UNC5A: variants seen among roughly 807,000 people sequenced by gnomAD.
UNC5A encodes unc-5 netrin receptor A, also known as netrin receptor UNC5A.
UNC5A carries 20 observed loss-of-function variants against 87.4 expected under a neutral mutation model. That is an observed-to-expected ratio of 0.23 (90% CI 0.16 to 0.33). The LOEUF is 0.33. Ranked by LOEUF, UNC5A falls within the 10% of genes least tolerant of loss-of-function variation. The probability of loss-of-function intolerance (pLI) is 1.00; values close to 1 mark genes in which losing one functional copy is unlikely to be tolerated. For missense variants in UNC5A, 844 were observed against 1,133.4 expected (o/e 0.74, Z 3.67); for synonymous variants, 438 against 482.3 (o/e 0.91, Z 1.20).
rs539305512 is a variant in UNC5A at position 176,880,765 on chromosome 5, C to T, written c.*879C>T. 15 of 246,502 alleles carry T rather than the reference C, an allele frequency of 6.1e-5. No individual in the cohort carries two copies. Among genetic ancestry groups the T allele is most frequent in the African/African-American group, 3.4e-4 (15 of 44,152 alleles). The allele number at this position is 246,502 out of a possible 1,614,324, so 15.3% of individuals were successfully genotyped here. A position where few individuals can be genotyped will look rare whatever the true frequency, so the allele number is the denominator to read the frequency against. On this transcript the variant is annotated 3_prime_UTR_variant, in exon 15 of 15. Coordinates refer to ENST00000329542, the MANE Select transcript of UNC5A (RefSeq NM_133369.3). ...CACGCGGGGCCTGTCATGTGAAGCT[C>T]GTGTCCTGACTTTGTCTTAAGTGCA...
chr5:176,859,133 G>GT (rs1561659374), intron 1 of UNC5A, among the ~76,000 whole-genome samples: 1 of 119,270 alleles, frequency 8.4e-6, no homozygotes, highest in African/African-American at 3.5e-5. Context: ...CTGCTAGAAT[G>GT]CCCTTGCTAG....
intron 1 of UNC5A, among the ~76,000 whole-genome samples, chr5:176,819,909 T>A (rs1410235056): frequency 1.3e-5 from 2 of 152,248 alleles, no homozygotes; most frequent in African/African-American, 4.8e-5. Flanking sequence ...AGGCACAGCC[T>A]GTGGCTCAGA....
Position 176,829,264 on chromosome 5 carries a change from G to T in UNC5A, c.70+18444G>T, listed in dbSNP as rs1756934485. On this transcript the variant is annotated intron_variant, in intron 1 of 14. Transcript: ENST00000329542. The stretch of plus-strand genomic sequence containing the variant: ...GGATGGATGGATGGGTGGATGGATG[G>T]GTGGCTGGATGGATGGATGGATAAA... Among the ~76,000 whole-genome samples, 8 of 57,682 alleles carry T rather than the reference G, an allele frequency of 1.4e-4. 1 individual carries two copies. In the South Asian group the frequency reaches 8.9e-3, roughly 64 times the overall value. The allele number at this position is 57,682 out of a possible 152,430, so 37.8% of individuals were successfully genotyped here.
At chr5:176,851,393 G>A (rs1757537560) in intron 1 of UNC5A, among the ~76,000 whole-genome samples, 1 of 152,218 alleles carries the variant, frequency 6.6e-6, no homozygotes, top group South Asian at 2.1e-4. Flanking sequence ...TCCCCACCTT[G>A]CACAACCTGA....
intron 3 of UNC5A, 45 bp downstream of exon 3, chr5:176,868,318 G>T (rs1376743412): frequency 6.2e-7 from 1 of 1,609,262 alleles, no homozygotes; most frequent in East Asian, 2.2e-5. Flanking sequence ...CGGCGGGAGG[G>T]TGTCACCAGG....
In UNC5A at chr5:176,880,074, AGCCAGGCTGGCACT is replaced by A. The variant is rs1758379743; in HGVS notation, c.*193_*206del. 4 of 766,724 alleles carry A rather than the reference AGCCAGGCTGGCACT, an allele frequency of 5.2e-6. No homozygotes were observed. In the African/African-American group the frequency reaches 5.3e-5, roughly 10 times the overall value. 47.5% of individuals were successfully genotyped at this position (766,724 alleles called of 1,614,324 possible). The stretch of plus-strand genomic sequence containing the variant: ...ACTCCCACCTCTCCATGGCCTGCCT[AGCCAGGCTGGCACT>A]GCCACTCACACTCGGCCCCAGGGCC... On this transcript the variant is annotated 3_prime_UTR_variant, in exon 15 of 15. Coordinates refer to ENST00000329542, the MANE Select transcript of UNC5A (RefSeq NM_133369.3).
chr5:176,859,058 A>T (rs1056112940), intron 1 of UNC5A, among the ~76,000 whole-genome samples: 9 of 152,278 alleles, frequency 5.9e-5, no homozygotes, highest in Non-Finnish European at 5.9e-5. Context: ...TAGCACCTTA[A>T]TTTACCCCAC....
At chr5:176,840,558 T>TA (rs1757250518) in intron 1 of UNC5A, among the ~76,000 whole-genome samples, 1 of 152,220 alleles carries the variant, frequency 6.6e-6, no homozygotes, top group African/African-American at 2.4e-5. Flanking sequence ...TCACCCTGTC[T>TA]AGGATCCATT....
chr5:176,861,531 G>A (rs574119134), intron 1 of UNC5A, among the ~76,000 whole-genome samples: 15 of 152,356 alleles, frequency 9.8e-5, no homozygotes, highest in Non-Finnish European at 7.4e-5. Context: ...TGGGCCAGGC[G>A]TATGTGCCCC....
chr5:176,837,596 G>C lies in UNC5A; in HGVS notation c.71-25028G>C, dbSNP rs113791735. On this transcript the variant is annotated intron_variant, in intron 1 of 14. Transcript: ENST00000329542. ...GGGTGTGTGCCAGGTTATCTGATGC[G>C]TGCAGAAGGTCTTCAGGGAATGGGA... Among the ~76,000 whole-genome samples, 1,100 of 152,320 alleles carry C rather than the reference G, an allele frequency of 7.2e-3. 6 individuals carry two copies. Among genetic ancestry groups the C allele is most frequent in the Non-Finnish European group, 0.012 (828 of 68,028 alleles).
intron 2 of UNC5A, among the ~76,000 whole-genome samples, chr5:176,863,213 G>C (rs1757885055): frequency 6.6e-6 from 1 of 152,210 alleles, no homozygotes; most frequent in African/African-American, 2.4e-5. Flanking sequence ...AGGCCCCTCA[G>C]GGGAGGTGAT....
intron 1 of UNC5A, among the ~76,000 whole-genome samples, chr5:176,842,898 A>T (rs1757309998): frequency 6.6e-6 from 1 of 152,158 alleles, no homozygotes; most frequent in African/African-American, 2.4e-5. Context: ...ACTGTGGCTC[A>T]CACCTGTAAT....
Position 176,869,700 on chromosome 5 carries a change from A to G in UNC5A, c.722-670A>G, listed in dbSNP as rs1457056741. The G allele has an allele frequency of 2.9e-6, 2 of 686,774 alleles. No homozygotes were observed. Among genetic ancestry groups the G allele is most frequent in the African/African-American group, 1.8e-5 (1 of 56,746 alleles). The allele number at this position is 686,774 out of a possible 1,614,324, so 42.5% of individuals were successfully genotyped here. ...CTGGCAGAAACGGAGCCGGAGCTGCACCAACCCGGCGCCTCTCAACGGGGG... is the reference window on the plus strand; with the variant it reads ...CTGGCAGAAACGGAGCCGGAGCTGCGCCAACCCGGCGCCTCTCAACGGGGG... On this transcript the variant is annotated intron_variant, in intron 5 of 14. Coordinates refer to ENST00000329542, the MANE Select transcript of UNC5A (RefSeq NM_133369.3). The surrounding 1 kb of genome is among the most constrained non-coding windows in gnomAD (Gnocchi z 9.1).
intron 1 of UNC5A, among the ~76,000 whole-genome samples, chr5:176,811,615 G>GA (rs1399242017): frequency 6.6e-6 from 1 of 152,212 alleles, no homozygotes; most frequent in Admixed American, 6.5e-5. Flanking sequence ...GAGGGGCTTG[G>GA]GGGGAGGAAG....
In UNC5A at chr5:176,868,545, C is replaced by G. The variant is rs1336878105; in HGVS notation, c.437-16C>G. ...CGAGGCCCTCAGACAGGAGGACACTCTCATTCCTCTTCTAGATTTGCGCAA... is the reference window on the plus strand; with the variant it reads ...CGAGGCCCTCAGACAGGAGGACACTGTCATTCCTCTTCTAGATTTGCGCAA... On this transcript the variant is annotated splice_polypyrimidine_tract_variant and intron_variant, in intron 3 of 14. Transcript: ENST00000329542. The G allele has an allele frequency of 6.3e-7, 1 of 1,584,636 alleles. No individual in the cohort carries two copies. The highest frequency in any genetic ancestry group is 1.8e-5 in the Admixed American group (1 of 55,086).
chr5:176,874,352 C>T lies in UNC5A; in HGVS notation c.1164C>T (p.Pro388=), dbSNP rs765435027. ...GTCTCTGTCCCCGGCAGGATGGGCCCAGCCCCAAGTTCCAGCTCACCAATG... is the reference window on the plus strand; with the variant it reads ...GTCTCTGTCCCCGGCAGGATGGGCCTAGCCCCAAGTTCCAGCTCACCAATG... The part of the protein sequence containing the change: ...QGSLCPRQDG[P]SPKFQLTNGH... The change falls in exon 8 of 15, where the codon CCC becomes CCT. Residue 388 remains proline (P), a synonymous_variant. Transcript: ENST00000329542. The surrounding 1 kb of genome is among the most constrained non-coding windows in gnomAD (Gnocchi z 7.6). 2 of 1,613,742 alleles carry T rather than the reference C, an allele frequency of 1.2e-6. No homozygotes were observed. The highest frequency in any genetic ancestry group is 2.2e-5 in the South Asian group (2 of 91,024).
intron 1 of UNC5A, among the ~76,000 whole-genome samples, chr5:176,816,374 A>C (rs186559593): frequency 2.4e-4 from 36 of 152,380 alleles, no homozygotes; most frequent in Admixed American, 1.8e-3. Flanking sequence ...CCTATGTCAG[A>C]AACAGGCCTT....
At chr5:176,825,307 G>C (rs1213611740) in intron 1 of UNC5A, among the ~76,000 whole-genome samples, 2 of 152,202 alleles carry the variant, frequency 1.3e-5, no homozygotes, top group Non-Finnish European at 2.9e-5. Context: ...GCCCGGGAGA[G>C]AGCAGTAGGG....
Position 176,874,497 on chromosome 5 carries a change from C to T in UNC5A, c.1309C>T (p.Arg437Ter). ...CCAGAACTACTTCCGCTCCCTGCCC[C>T]GAGGCACCAGCAACATGACCTATGG... Reference protein sequence around the residue: ...STQNYFRSLPRGTSNMTYGTF... With the variant: ...STQNYFRSLP The change falls in exon 8 of 15, where the codon CGA becomes TGA. Residue 437 changes from arginine to a stop codon, truncating the protein, a stop_gained. Transcript: ENST00000329542. LOFTEE classifies it high-confidence loss of function. This position sits in a 1 kb window ranked among gnomAD's most constrained non-coding sequence, Gnocchi z 7.6. 6.2e-7 allele frequency: 1 copy of T among 1,609,922 alleles called. No individual in the cohort carries two copies. Among genetic ancestry groups the T allele is most frequent in the Non-Finnish European group, 8.5e-7 (1 of 1,177,640 alleles).
Sources: gnomAD v4.1 joint callset for allele counts (sites outside exome capture counted in the v4.1 genomes callset) on GRCh38, gnomAD v4.1.1 for gene constraint, Gnocchi (gnomAD v3.1) non-coding constraint, MANE v1.5 for transcripts, NCBI Gene and HGNC (gene_info 2026-07-23, HGNC 2026-07-21) for gene names.